LUC7L3: variants seen among roughly 807,000 people sequenced by gnomAD.
The protein encoded by LUC7L3 is luc7-like protein 3.
LUC7L3 carries 6 observed loss-of-function variants against 66.8 expected under a neutral mutation model. That is an observed-to-expected ratio of 0.09 (90% confidence interval 0.05 to 0.18). LUC7L3 has a LOEUF of 0.18. Ranked by LOEUF, LUC7L3 falls within the 10% of genes least tolerant of loss-of-function variation. The pLI, the probability that LUC7L3 is intolerant of heterozygous loss-of-function variation, is 1.00. For synonymous variants in LUC7L3, 160 were observed against 174.7 expected, an observed-to-expected ratio of 0.92 and a Z score of 0.66; for missense variants, 341 against 531.1, an observed-to-expected ratio of 0.64 and a Z score of 3.52.
intron 1 of LUC7L3, chr17:50,723,931 G>T (rs530923304): frequency 2.2e-5 from 10 of 454,530 alleles, no homozygotes; most frequent in African/African-American, 1.2e-4. Context: ...CACTGCGCCC[G>T]GCTGGCATTT....
At chr17:50,726,395 C>G (rs1247082184) in intron 1 of LUC7L3, among the ~76,000 whole-genome samples, 1 of 152,112 alleles carries the variant, frequency 6.6e-6, no homozygotes, top group Non-Finnish European at 1.5e-5. Context: ...TGGGCTCGAA[C>G]TCCTGGCCTT....
At chr17:50,743,855 TTAG>T (rs775658440) in intron 6 of LUC7L3, 45 bp downstream of exon 6, 2 of 1,342,240 alleles carry the variant, frequency 1.5e-6, no homozygotes, top group Non-Finnish European at 2.1e-6. Context: ...CTGTTAACAG[TTAG>T]TAGGAACTCA....
chr17:50,739,147 G>A (rs1970183647), intron 2 of LUC7L3, among the ~76,000 whole-genome samples: 1 of 152,070 alleles, frequency 6.6e-6, no homozygotes, highest in Non-Finnish European at 1.5e-5. Flanking sequence ...GAAAAAACAA[G>A]AGATCCAGTA....
chr17:50,735,237 A>C (rs1422346356), intron 1 of LUC7L3, among the ~76,000 whole-genome samples: 1 of 84,398 alleles, frequency 1.2e-5, no homozygotes, highest in African/African-American at 9.9e-5. Context: ...TCTCAAAAAA[A>C]AAAAAAAAGA....
At chr17:50,742,286 C>T (rs1424918907) in intron 5 of LUC7L3, among the ~76,000 whole-genome samples, 2 of 152,160 alleles carry the variant, frequency 1.3e-5, no homozygotes, top group African/African-American at 2.4e-5. Context: ...TATAATATTG[C>T]ACAACCACTT....
At chr17:50,746,772 C>T in intron 9 of LUC7L3, 70 bp downstream of exon 9, 1 of 1,366,708 alleles carries the variant, frequency 7.3e-7, no homozygotes, top group South Asian at 1.3e-5. Context: ...CACTTTTCTC[C>T]AGACACAGGC....
intron 1 of LUC7L3, among the ~76,000 whole-genome samples, chr17:50,724,672 T>A (rs1303831253): frequency 6.6e-6 from 1 of 151,412 alleles, no homozygotes; most frequent in Non-Finnish European, 1.5e-5. Flanking sequence ...TAGCCTTGAT[T>A]TCCTCACAAA....
intron 1 of LUC7L3, among the ~76,000 whole-genome samples, chr17:50,735,596 C>T (rs111494672): frequency 0.012 from 1,815 of 152,152 alleles, 27 homozygotes; most frequent in African/African-American, 0.041. Context: ...GCCTCGACCT[C>T]CCAGGCTCAA....
chr17:50,739,401 C>T (rs2146744282), intron 2 of LUC7L3, among the ~76,000 whole-genome samples: 1 of 152,254 alleles, frequency 6.6e-6, no homozygotes. Flanking sequence ...CCTGTAATCC[C>T]AGCACTTTTG....
chr17:50,723,962 A>G (rs745517265), intron 1 of LUC7L3: 1 of 455,894 alleles, frequency 2.2e-6, no homozygotes, highest in Non-Finnish European at 4.4e-6. Context: ...TCCATAGTAA[A>G]ATAGTAAGTG....
In LUC7L3 at chr17:50,753,819, C is replaced by T. The variant is rs1356488742; in HGVS notation, c.*3158C>T. The T allele has an allele frequency of 1.3e-5, 2 of 152,110 alleles. No homozygotes were observed. The highest frequency in any genetic ancestry group is 4.8e-5 in the African/African-American group (2 of 41,410). 9.4% of individuals were successfully genotyped at this position (152,110 alleles called of 1,614,324 possible). A position where few individuals can be genotyped will look rare whatever the true frequency, so the allele number is the denominator to read the frequency against. ...GCTCTGCCTCATCTAGAATCAACGT[C>T]TAACTAACTTAAATGAAGTATAATA... On this transcript the variant is annotated 3_prime_UTR_variant, in exon 10 of 10. Coordinates refer to ENST00000505658, the MANE Select transcript of LUC7L3 (RefSeq NM_016424.5).
intron 1 of LUC7L3, among the ~76,000 whole-genome samples, chr17:50,720,963 T>C (rs1968707322): frequency 6.6e-6 from 1 of 152,190 alleles, no homozygotes; most frequent in South Asian, 2.1e-4. Flanking sequence ...TTATTGTTTT[T>C]AAGAGGTGGG....
chr17:50,749,247 A>C, intron 9 of LUC7L3: 1 of 1,288,804 alleles, frequency 7.8e-7, no homozygotes, highest in Non-Finnish European at 1.0e-6. Context: ...TGGACTGACT[A>C]CTAGTCCTCT....
At chr17:50,738,200 G>T (rs557848505) in intron 2 of LUC7L3, 2 of 447,024 alleles carry the variant, frequency 4.5e-6, no homozygotes, top group Admixed American at 5.0e-5. Context: ...ATCTCTGCAG[G>T]TACTGACCCT....
intron 1 of LUC7L3, among the ~76,000 whole-genome samples, chr17:50,731,404 G>C (rs951531786): frequency 2.6e-5 from 4 of 152,042 alleles, no homozygotes; most frequent in Non-Finnish European, 4.4e-5. Flanking sequence ...CTGACCTCAG[G>C]TGATCCGCCT....
At chr17:50,745,591 G>T in intron 7 of LUC7L3, 129 bp from the exon 8 acceptor site, 1 of 654,882 alleles carries the variant, frequency 1.5e-6, no homozygotes, top group East Asian at 2.7e-5. Context: ...CATGGTGTTG[G>T]AATGTCTACA....
intron 1 of LUC7L3, among the ~76,000 whole-genome samples, chr17:50,729,896 T>TTA (rs1156777167): frequency 2.3e-3 from 153 of 65,472 alleles, no homozygotes; most frequent in South Asian, 4.4e-3. Context: ...TATAAATACA[T>TTA]TATATATATA....
intron 1 of LUC7L3, among the ~76,000 whole-genome samples, chr17:50,736,467 A>G (rs925798926): frequency 1.8e-4 from 27 of 152,298 alleles, no homozygotes; most frequent in African/African-American, 5.8e-4. Flanking sequence ...TGGTGCTTGC[A>G]CCTGTAGTTG....
chr17:50,734,481 T>C (rs1419695667), intron 1 of LUC7L3, among the ~76,000 whole-genome samples: 1 of 152,124 alleles, frequency 6.6e-6, no homozygotes, highest in Non-Finnish European at 1.5e-5. Context: ...AAACTTTTAT[T>C]ATGTTCTTAG....
Sources: allele counts gnomAD v4.1 joint callset (sites outside exome capture counted in the v4.1 genomes callset), GRCh38; gene constraint gnomAD v4.1.1; transcripts MANE v1.5; gene names NCBI Gene and HGNC (gene_info 2026-07-23, HGNC 2026-07-21).